PCDHA9: variants seen among roughly 807,000 people sequenced by gnomAD.
The protein encoded by PCDHA9 is protocadherin alpha-9.
PCDHA9 carries 62 observed loss-of-function variants against 62.0 expected under a neutral mutation model. The ratio of observed to expected loss-of-function variants is 1.00; its 90% CI spans 0.81 to 1.23. The LOEUF is 1.23. Among genes scored for constraint, PCDHA9 ranks in the 50% most tolerant of loss-of-function variants. The pLI is 0.00. For missense variants in PCDHA9, 1,205 were observed against 1,249.8 expected (o/e 0.96, Z 0.54); for synonymous variants, 557 against 567.6 (o/e 0.98, Z 0.27).
intron 1 of PCDHA9, among the ~76,000 whole-genome samples, chr5:140,895,943 TG>T (rs1176755658): frequency 6.6e-6 from 1 of 152,148 alleles, no homozygotes; most frequent in Non-Finnish European, 1.5e-5. Flanking sequence ...CCCGAGTAGC[TG>T]GGATTACAGG....
intron 1 of PCDHA9, chr5:140,927,857 G>A: frequency 6.2e-7 from 1 of 1,614,172 alleles, no homozygotes; most frequent in African/African-American, 1.3e-5. Context: ...GGTTTAGCTA[G>A]CACCGCTAAA....
intron 1 of PCDHA9, among the ~76,000 whole-genome samples, chr5:140,944,929 CT>C (rs2093712661): frequency 6.6e-6 from 1 of 152,052 alleles, no homozygotes; most frequent in Admixed American, 6.6e-5. Context: ...TGGTTTATGC[CT>C]TCTTTAGATG....
chr5:140,958,204 G>T (rs2095413529), intron 1 of PCDHA9, among the ~76,000 whole-genome samples: 2 of 152,042 alleles, frequency 1.3e-5, no homozygotes, highest in South Asian at 2.1e-4. Flanking sequence ...AGTATACAAG[G>T]GAATTAGATT....
intron 1 of PCDHA9, chr5:140,929,425 A>G (rs2086148550): frequency 6.7e-7 from 1 of 1,496,844 alleles, no homozygotes. Context: ...CATTTCATCA[A>G]TTGAACTAAA....
intron 1 of PCDHA9, among the ~76,000 whole-genome samples, chr5:140,937,011 G>A (rs567332621): frequency 9.2e-5 from 14 of 151,352 alleles, no homozygotes; most frequent in Non-Finnish European, 1.8e-4. Flanking sequence ...ACAGACAACC[G>A]ATTAACAAGG....
At chr5:140,871,284 T>G in intron 1 of PCDHA9, 1 of 1,613,896 alleles carries the variant, frequency 6.2e-7, no homozygotes. Flanking sequence ...CAACGCCCAC[T>G]GAGGGCGCGT....
chr5:140,884,450 AC>A, intron 1 of PCDHA9: 1 of 1,613,762 alleles, frequency 6.2e-7, no homozygotes, highest in Non-Finnish European at 8.5e-7. Context: ...GGCACCGCCC[AC>A]CGAGGGCGCG....
At chr5:140,958,498 G>A (rs2095427243) in intron 1 of PCDHA9, among the ~76,000 whole-genome samples, 1 of 152,020 alleles carries the variant, frequency 6.6e-6, no homozygotes, top group African/African-American at 2.4e-5. Context: ...ACATATCCTA[G>A]GAGGCATGGC....
chr5:141,006,274 C>T (rs565885323), intron 3 of PCDHA9, among the ~76,000 whole-genome samples: 13 of 152,026 alleles, frequency 8.6e-5, no homozygotes, highest in African/African-American at 2.9e-4. Context: ...TGCAGTGGCA[C>T]GATCTCAGCT....
rs199520871 is a variant in PCDHA9 at position 140,848,784 on chromosome 5, G to C, written c.289G>C (p.Gly97Arg). 5.5e-5 allele frequency: 88 copies of C among 1,593,310 alleles called. 12 individuals are homozygous for C. Among genetic ancestry groups the C allele is most frequent in the Non-Finnish European group, 6.9e-5 (80 of 1,164,078 alleles). Residue 97 changes from glycine (G) to arginine (R), a missense_variant, in exon 1 of 4, where the codon GGG becomes CGG. Physicochemically the swap from Gly to Arg is moderately radical, Grantham distance 125. Around this residue, in one of 3 missense-constraint regions of PCDHA9, gnomAD observed 208 missense variants for 213.2 expected, o/e 0.98. Coordinates refer to ENST00000532602, the MANE Select transcript of PCDHA9 (RefSeq NM_031857.2). ...TCGGATCGACCGCGAGGAGCTGTGC[G>C]GGCGGAGCGCGGAGTGCAGCATCCA... ...NSRIDREELC[G>R]RSAECSIHLE... is the part of the protein sequence containing the mutation.
At chr5:140,959,331 T>C (rs1170663171) in intron 1 of PCDHA9, among the ~76,000 whole-genome samples, 1 of 152,072 alleles carries the variant, frequency 6.6e-6, no homozygotes. Flanking sequence ...GTTTTGATTA[T>C]GCTACTGCAC....
rs2098418726 is a variant in PCDHA9 at position 141,010,899 on chromosome 5, C to T, written c.*962C>T. 2 of 153,680 alleles carry T rather than the reference C, an allele frequency of 1.3e-5. No individual in the cohort carries two copies. Among genetic ancestry groups the T allele is most frequent in the Admixed American group, 6.6e-5 (1 of 15,264 alleles). The allele number at this position is 153,680 out of a possible 1,614,324, so 9.5% of individuals were successfully genotyped here. ...TTTAAAGAGAAATATGAATACAATT[C>T]CCCTAAACTCTCCTCAAAAGAGAAT... On this transcript the variant is annotated 3_prime_UTR_variant, in exon 4 of 4. Coordinates refer to ENST00000532602, the MANE Select transcript of PCDHA9 (RefSeq NM_031857.2).
chr5:140,918,901 CTT>C (rs1386679785), intron 1 of PCDHA9, among the ~76,000 whole-genome samples: 6 of 152,198 alleles, frequency 3.9e-5, no homozygotes, highest in African/African-American at 1.4e-4. Flanking sequence ...ATAAATCTCT[CTT>C]GTTTATTAAC....
intron 1 of PCDHA9, chr5:140,969,073 G>T (rs781937942): frequency 2.5e-6 from 4 of 1,614,092 alleles, no homozygotes; most frequent in South Asian, 2.2e-5. Flanking sequence ...CCAGGATACC[G>T]CATGGCCTCA....
intron 1 of PCDHA9, among the ~76,000 whole-genome samples, chr5:140,937,163 G>A (rs1169573071): frequency 2.0e-5 from 3 of 150,028 alleles, no homozygotes; most frequent in East Asian, 4.0e-4. Flanking sequence ...TCAGCCTCCC[G>A]AGTAGCTGGG....
At chr5:140,916,641 G>T (rs781877597) in intron 1 of PCDHA9, among the ~76,000 whole-genome samples, 2 of 152,150 alleles carry the variant, frequency 1.3e-5, no homozygotes, top group African/African-American at 2.4e-5. Context: ...TCCTACTGTG[G>T]CTGAGCTGGT....
intron 1 of PCDHA9, chr5:140,884,480 A>G (rs782532542): frequency 6.2e-7 from 1 of 1,613,780 alleles, no homozygotes; most frequent in South Asian, 1.1e-5. Context: ...GGGCAAGCCC[A>G]CTCTAGTGTG....
chr5:140,914,073 C>G (rs1314205032), intron 1 of PCDHA9, among the ~76,000 whole-genome samples: 1 of 152,122 alleles, frequency 6.6e-6, no homozygotes, highest in Non-Finnish European at 1.5e-5. Flanking sequence ...TGCTCCATAA[C>G]TATCTATTAG....
At chr5:140,855,836 A>T in intron 1 of PCDHA9, 3 of 600,200 alleles carry the variant, frequency 5.0e-6, no homozygotes, top group Non-Finnish European at 2.9e-6. Flanking sequence ...AATCGTACTT[A>T]CACCTAAAGC....
Sources: gnomAD v4.1 joint callset for allele counts (sites outside exome capture counted in the v4.1 genomes callset) on GRCh38, gnomAD v4.1.1 for gene constraint, gnomAD v4.1.1 regional missense constraint, MANE v1.5 for transcripts, NCBI Gene and HGNC (gene_info 2026-07-23, HGNC 2026-07-21) for gene names.